The following TMEM145 variants were observed in gnomAD, a reference collection of about 807,000 sequenced individuals.
The protein encoded by TMEM145 is transmembrane protein 145.
TMEM145 carries 46 observed loss-of-function variants against 68.5 expected under a neutral mutation model. That is an observed-to-expected ratio of 0.67 (90% CI 0.53 to 0.86). The LOEUF is 0.86. Ranked by LOEUF, TMEM145 falls within the 40% of genes least tolerant of loss-of-function variation. The pLI is 0.00. For missense variants in TMEM145, 570 were observed against 645.8 expected (o/e 0.88, Z 1.27); for synonymous variants, 255 against 280.2 (o/e 0.91, Z 0.90).
intron 8 of TMEM145, among the ~76,000 whole-genome samples, chr19:42,315,678 C>T (rs1045319342): frequency 7.2e-6 from 1 of 138,794 alleles, no homozygotes; most frequent in African/African-American, 2.7e-5. Flanking sequence ...ACCTGGACCC[C>T]TGGTTCCTGG....
chr19:42,314,753 G>A, intron 4 of TMEM145, 39 bp from the exon 5 acceptor site: 1 of 1,613,916 alleles, frequency 6.2e-7, no homozygotes, highest in South Asian at 1.1e-5. Flanking sequence ...AGCCTTCGGG[G>A]CATCAAGGAC....
In TMEM145 at chr19:42,324,740, C is replaced by T. The variant is rs1427460121; in HGVS notation, c.1405C>T (p.Leu469=). The T allele has an allele frequency of 3.2e-6, 5 of 1,546,788 alleles. No individual in the cohort carries two copies. The South Asian group carries it at 4.8e-5, about 15-fold the overall frequency. ...FSIPPPATSP[L]PRAAPDSGLP... is the part of the protein sequence containing the mutation. ...CTCTCCCCGTCCCCTCCCTCAGCCCCTGCCCCGAGCGGCGCCGGATTCTGG... is the reference window on the plus strand; with the variant it reads ...CTCTCCCCGTCCCCTCCCTCAGCCCTTGCCCCGAGCGGCGCCGGATTCTGG... The change falls in exon 15 of 15, where the codon CTG becomes TTG. Residue 469 remains leucine, a synonymous_variant. Coordinates refer to ENST00000301204, the MANE Select transcript of TMEM145 (RefSeq NM_173633.3).
In TMEM145 at chr19:42,316,857, G is replaced by A. The variant is rs748934791; in HGVS notation, c.807-13G>A. On this transcript the variant is annotated splice_polypyrimidine_tract_variant and intron_variant, in intron 10 of 14. Coordinates refer to ENST00000301204, the MANE Select transcript of TMEM145 (RefSeq NM_173633.3). ...CCCCCACCCTGCTGTCTCCCCTCAT[G>A]GCCTGCTGCCAGGGGCCGCATCAGC... 3.7e-6 allele frequency: 6 copies of A among 1,612,854 alleles called. No individual in the cohort carries two copies. Among genetic ancestry groups the A allele is most frequent in the Non-Finnish European group, 5.1e-6 (6 of 1,179,840 alleles).
chr19:42,315,129 G>T, intron 6 of TMEM145, 52 bp downstream of exon 6: 2 of 1,614,176 alleles, frequency 1.2e-6, no homozygotes, highest in Non-Finnish European at 1.7e-6. Flanking sequence ...ACCAGAGCTG[G>T]GTGCCCACTG....
chr19:42,320,847 T>A (rs1436220315), intron 13 of TMEM145, among the ~76,000 whole-genome samples: 1 of 152,090 alleles, frequency 6.6e-6, no homozygotes, highest in Non-Finnish European at 1.5e-5. Context: ...CAGGCTAGTC[T>A]CAAACTCCTG....
intron 14 of TMEM145, 59 bp downstream of exon 14, chr19:42,323,848 C>T: frequency 1.3e-6 from 2 of 1,512,202 alleles, no homozygotes; most frequent in South Asian, 1.1e-5. Flanking sequence ...GAGTACCTGA[C>T]CCCGCTCCCG....
At chr19:42,323,927 A>C (rs1484621460) in intron 14 of TMEM145, 138 bp downstream of exon 14, 19 of 725,826 alleles carry the variant, frequency 2.6e-5, no homozygotes, top group Middle Eastern at 4.0e-4. Flanking sequence ...CCCGCGCCCC[A>C]ACACCGCGCC....
intron 11 of TMEM145, 142 bp from the exon 12 acceptor site, chr19:42,317,567 T>G: frequency 1.4e-6 from 1 of 695,230 alleles, no homozygotes; most frequent in Non-Finnish European, 2.4e-6. Context: ...TACCTCAATA[T>G]GCTTCTGTCT....
At position 42,315,279 on chromosome 19, in the gene TMEM145, T is replaced by C. The variant is rs2147413510; in HGVS notation, c.577+20T>C. 6.2e-7 allele frequency: 1 copy of C among 1,611,890 alleles called. No homozygotes were observed. Among genetic ancestry groups the C allele is most frequent in the Non-Finnish European group, 8.5e-7 (1 of 1,178,426 alleles). ...TTGGATGTGAGTCTGGCACATGGGG[T>C]GTGGGGGAAGAGATAGGAGGGAGCA... is the stretch of plus-strand genomic sequence containing the variant. On this transcript the variant is annotated intron_variant, in intron 7 of 14. Transcript: ENST00000301204.
chr19:42,316,234 G>T (rs552055450), intron 8 of TMEM145, among the ~76,000 whole-genome samples: 2 of 150,444 alleles, frequency 1.3e-5, no homozygotes, highest in African/African-American at 2.4e-5. Context: ...TGGGTCTGAG[G>T]GGGGAGGGGG....
intron 12 of TMEM145, 79 bp downstream of exon 12, chr19:42,317,960 C>T (rs768871311): frequency 1.4e-5 from 21 of 1,499,148 alleles, no homozygotes; most frequent in Non-Finnish European, 1.8e-5. Context: ...ATCTCAGACC[C>T]TCCATAGTGA....
intron 8 of TMEM145, among the ~76,000 whole-genome samples, chr19:42,315,696 G>A (rs1374670565): frequency 6.6e-6 from 1 of 151,950 alleles, no homozygotes; most frequent in South Asian, 2.1e-4. Context: ...TGGGGGAGGA[G>A]GGGGTGGGAC....
At chr19:42,321,114 C>A (rs1430568811) in intron 13 of TMEM145, 3 of 398,792 alleles carry the variant, frequency 7.5e-6, no homozygotes, top group Non-Finnish European at 1.3e-5. Context: ...TCTCCCCCTG[C>A]CCCTGCCCAA....
At position 42,324,982 on chromosome 19, in the gene TMEM145, C is replaced by T. The variant is rs1485318350; in HGVS notation, c.*165C>T. 11 of 1,167,040 alleles carry T rather than the reference C, an allele frequency of 9.4e-6. No individual in the cohort carries two copies. In the East Asian group the frequency reaches 2.6e-4, roughly 27 times the overall value. 72.3% of individuals were successfully genotyped at this position (1,167,040 alleles called of 1,614,324 possible). Reference sequence around the variant, plus strand: ...TACTCCATCTGCCGCATCTCCATTCCGGGGGCCTTCCCTCGGGTCCCTGGC... The same window carrying T: ...TACTCCATCTGCCGCATCTCCATTCTGGGGGCCTTCCCTCGGGTCCCTGGC... On this transcript the variant is annotated 3_prime_UTR_variant, in exon 15 of 15. Transcript: ENST00000301204.
Position 42,315,415 on chromosome 19 carries a change from G to C in TMEM145, c.621G>C (p.Met207Ile), listed in dbSNP as rs762382994. 1.2e-6 allele frequency: 2 copies of C among 1,614,174 alleles called. No homozygotes were observed. Among genetic ancestry groups the C allele is most frequent in the South Asian group, 2.2e-5 (2 of 91,084 alleles). Residue 207 changes from methionine to isoleucine, a missense_variant, in exon 8 of 15, where the codon ATG becomes ATC. Transcript: ENST00000301204. The stretch of plus-strand genomic sequence containing the variant: ...AGTTGCTCCACACAACTTATAAAAT[G>C]TTCATGGCCGCAGCAGGAGTAGAGG... ...GRQLLHTTYKMFMAAAGVEVL... is the reference protein window; with the variant it reads ...GRQLLHTTYKIFMAAAGVEVL...
chr19:42,316,287 G>C (rs759042762), intron 8 of TMEM145, among the ~76,000 whole-genome samples, 194 bp from the exon 9 acceptor site: 413 of 148,822 alleles, frequency 2.8e-3, no homozygotes, highest in Non-Finnish European at 4.7e-3. Flanking sequence ...GGGGGTGGGG[G>C]CCTGGGCCCC....
intron 8 of TMEM145, 52 bp from the exon 9 acceptor site, chr19:42,316,429 G>A: frequency 6.4e-7 from 1 of 1,554,434 alleles, no homozygotes; most frequent in Admixed American, 1.7e-5. Context: ...AGAGAACAGT[G>A]ATGCCCCAGA....
chr19:42,315,824 G>A (rs2038850988), intron 8 of TMEM145, among the ~76,000 whole-genome samples: 1 of 152,162 alleles, frequency 6.6e-6, no homozygotes, highest in Admixed American at 6.5e-5. Context: ...GAGGCCAGGA[G>A]TTCAAGACCA....
At position 42,315,329 on chromosome 19, in the gene TMEM145, C is replaced by T. The variant is rs755723696; in HGVS notation, c.578-43C>T. 3 of 1,614,018 alleles carry T rather than the reference C, an allele frequency of 1.9e-6. No homozygotes were observed. The South Asian group carries it at 3.3e-5, about 18-fold the overall frequency. On this transcript the variant is annotated intron_variant, in intron 7 of 14. Transcript: ENST00000301204. ...AGGGTTGGGGGAGGTGAGCTGCTCT[C>T]CCTTTCTGCCTGTGGACAGCCTTTC...
Sources: allele counts gnomAD v4.1 joint callset (sites outside exome capture counted in the v4.1 genomes callset), GRCh38; gene constraint gnomAD v4.1.1; transcripts MANE v1.5; gene names NCBI Gene and HGNC (gene_info 2026-07-23, HGNC 2026-07-21).